The following MAGI2 variants were observed in gnomAD, a reference collection of about 807,000 sequenced individuals.
The protein encoded by MAGI2 is membrane associated guanylate kinase, WW and PDZ domain containing 2.
A neutral mutation model predicts 133.3 loss-of-function variants in MAGI2; 35 were observed. The ratio of observed to expected loss-of-function variants is 0.26; its 90% confidence interval spans 0.20 to 0.35. The LOEUF is 0.35. Among genes scored for constraint, MAGI2 ranks in the 10% least tolerant of loss-of-function variants. MAGI2 has a pLI of 1.00. For missense variants in MAGI2, 1,636 were observed against 1,863.4 expected, an observed-to-expected ratio of 0.88 and a Z score of 2.25; for synonymous variants, 729 against 710.6, an observed-to-expected ratio of 1.03 and a Z score of -0.41.
At chr7:78,755,393 T>G (rs1266508098) in intron 2 of MAGI2, among the ~76,000 whole-genome samples, 1 of 152,250 alleles carries the variant, frequency 6.6e-6, no homozygotes, top group African/African-American at 2.4e-5. Flanking sequence ...TTAATGTATA[T>G]TTGCAATGGG....
intron 7 of MAGI2, chr7:78,352,003 A>T (rs1337792209): frequency 6.6e-6 from 1 of 152,160 alleles, no homozygotes; most frequent in Non-Finnish European, 1.5e-5. Context: ...TGTGCTTCAG[A>T]ATTTTTCACC....
intron 3 of MAGI2, among the ~76,000 whole-genome samples, chr7:78,620,799 C>G (rs1158319394): frequency 6.6e-6 from 1 of 151,928 alleles, no homozygotes; most frequent in Non-Finnish European, 1.5e-5. Context: ...GGATCAATGA[C>G]CTTTTCAATA....
At chr7:79,156,292 C>G (rs1823770605) in intron 1 of MAGI2, among the ~76,000 whole-genome samples, 2 of 152,086 alleles carry the variant, frequency 1.3e-5, no homozygotes, top group South Asian at 2.1e-4. Flanking sequence ...CCCTATAAAA[C>G]TGTCTTTTGT....
chr7:78,964,845 T>C (rs1441503085), intron 2 of MAGI2, among the ~76,000 whole-genome samples: 1 of 152,004 alleles, frequency 6.6e-6, no homozygotes, highest in East Asian at 1.9e-4. Flanking sequence ...TCATTGACTT[T>C]TTCTTTTTAA....
chr7:79,274,218 G>A (rs1468231768), intron 1 of MAGI2, among the ~76,000 whole-genome samples: 1 of 152,034 alleles, frequency 6.6e-6, no homozygotes, highest in Admixed American at 6.6e-5. Flanking sequence ...ATTTAACTGA[G>A]CATCCACTAT....
chr7:79,367,858 C>CACACACACACACACACACATATATATAG, intron 1 of MAGI2, among the ~76,000 whole-genome samples: 1 of 87,142 alleles, frequency 1.1e-5, no homozygotes, highest in East Asian at 3.8e-4. Context: ...ATATATGTGA[C>CACACACACACACACACACATATATATAG]ATATATATAT....
chr7:78,515,672 G>A (rs891180186), intron 4 of MAGI2, among the ~76,000 whole-genome samples: 4 of 152,106 alleles, frequency 2.6e-5, no homozygotes, highest in Non-Finnish European at 4.4e-5. Context: ...AGGCCGAGGC[G>A]GGTGGATCAC....
intron 1 of MAGI2, among the ~76,000 whole-genome samples, chr7:79,386,845 T>C (rs1844216038): frequency 6.6e-6 from 1 of 151,800 alleles, no homozygotes; most frequent in Admixed American, 6.6e-5. Flanking sequence ...ATATGAGAGG[T>C]TGAAGGGGGC....
chr7:79,290,090 C>T (rs1422862368), intron 1 of MAGI2, among the ~76,000 whole-genome samples: 1 of 151,912 alleles, frequency 6.6e-6, no homozygotes, highest in Non-Finnish European at 1.5e-5. Context: ...TTTTAAAAAT[C>T]ACATATTAAC....
At chr7:79,002,145 T>G (rs1041654986) in intron 2 of MAGI2, among the ~76,000 whole-genome samples, 2 of 151,502 alleles carry the variant, frequency 1.3e-5, no homozygotes, top group Non-Finnish European at 3.0e-5. Flanking sequence ...TTTTTTTTTT[T>G]TTTTTAGACA....
intron 1 of MAGI2, among the ~76,000 whole-genome samples, chr7:79,198,759 G>A (rs904152490): frequency 6.6e-6 from 1 of 151,886 alleles, no homozygotes; most frequent in African/African-American, 2.4e-5. Context: ...GTGGTAGTGG[G>A]TGCCTGTAAT....
rs1191685400 is a variant in MAGI2 at position 79,324,640 on chromosome 7, TAAA to T, written c.301+128377_301+128379del. On this transcript the variant is annotated intron_variant, in intron 1 of 21. Transcript: ENST00000354212. The stretch of plus-strand genomic sequence containing the variant: ...ATATAATATATATATTATATATATA[TAAA>T]ATATATATATATTATATATATATAA... Among the ~76,000 whole-genome samples, 116 of 39,580 alleles carry T rather than the reference TAAA, an allele frequency of 2.9e-3. 35 individuals carry two copies. The highest frequency in any genetic ancestry group is 0.013 in the African/African-American group (107 of 8,172). The allele number at this position is 39,580 out of a possible 152,430, so 26.0% of individuals were successfully genotyped here.
chr7:78,988,872 A>G (rs1805505347), intron 2 of MAGI2, among the ~76,000 whole-genome samples: 1 of 152,132 alleles, frequency 6.6e-6, no homozygotes, highest in Admixed American at 6.6e-5. Flanking sequence ...TAGGAGGAAA[A>G]ATAAGATAAA....
At chr7:78,885,611 C>A (rs1285955295) in intron 2 of MAGI2, among the ~76,000 whole-genome samples, 3 of 134,024 alleles carry the variant, frequency 2.2e-5, no homozygotes, top group South Asian at 5.0e-4. Context: ...AACTGAGCAT[C>A]CTTTATTGAA....
At chr7:78,061,461 T>C (rs1193694188) in intron 21 of MAGI2, among the ~76,000 whole-genome samples, 1 of 142,350 alleles carries the variant, frequency 7.0e-6, no homozygotes, top group East Asian at 2.0e-4. Flanking sequence ...CACACACGAG[T>C]GGGGAAGCCA....
At chr7:78,244,849 A>C (rs1204633221) in intron 10 of MAGI2, among the ~76,000 whole-genome samples, 1 of 152,236 alleles carries the variant, frequency 6.6e-6, no homozygotes, top group Non-Finnish European at 1.5e-5. Context: ...AGCTTTGTAT[A>C]AAATTTATTA....
chr7:78,367,087 T>G (rs553394662), intron 7 of MAGI2, among the ~76,000 whole-genome samples: 1 of 86,146 alleles, frequency 1.2e-5, no homozygotes, highest in Non-Finnish European at 2.5e-5. Context: ...TACACAGAAG[T>G]ATAATGTAGG....
At chr7:78,865,658 C>G in intron 2 of MAGI2, among the ~76,000 whole-genome samples, 1 of 152,086 alleles carries the variant, frequency 6.6e-6, no homozygotes, top group East Asian at 1.9e-4. Context: ...GAATCTTGTT[C>G]AAAGCAAAGT....
intron 21 of MAGI2, among the ~76,000 whole-genome samples, chr7:78,045,821 G>C (rs1346004254): frequency 6.6e-6 from 1 of 152,206 alleles, no homozygotes; most frequent in Non-Finnish European, 1.5e-5. Flanking sequence ...CCGGATGGGA[G>C]ATGTTACATT....
Sources: allele counts gnomAD v4.1 joint callset (sites outside exome capture counted in the v4.1 genomes callset), GRCh38; gene constraint gnomAD v4.1.1; transcripts MANE v1.5; gene names NCBI Gene and HGNC (gene_info 2026-07-23, HGNC 2026-07-21).